KIF26B: variants seen among roughly 807,000 people sequenced by gnomAD.
The protein encoded by KIF26B is kinesin family member 26B.
In KIF26B, 63 loss-of-function variants were observed where a neutral mutation model predicts 151.2. The ratio of observed to expected loss-of-function variants is 0.42; its 90% CI spans 0.34 to 0.51. The LOEUF (loss-of-function observed/expected upper bound fraction) is 0.51. Ranked by LOEUF, KIF26B falls within the 20% of genes least tolerant of loss-of-function variation. The pLI is 0.07. For synonymous variants in KIF26B, 1,357 were observed against 1,262.1 expected, an observed-to-expected ratio of 1.08 and a Z score of -1.59; for missense variants, 2,813 against 2,913.6, an observed-to-expected ratio of 0.97 and a Z score of 0.79.
chr1:245,441,028 C>T (rs764259206), intron 4 of KIF26B, among the ~76,000 whole-genome samples: 1 of 152,206 alleles, frequency 6.6e-6, no homozygotes, highest in Non-Finnish European at 1.5e-5. Context: ...AAATCCAGAT[C>T]GGTGCAGTTG....
At chr1:245,546,268 G>T in intron 5 of KIF26B, among the ~76,000 whole-genome samples, 1 of 152,084 alleles carries the variant, frequency 6.6e-6, no homozygotes, top group East Asian at 1.9e-4. Context: ...CCAGGCTGGA[G>T]TGCAATGGCA....
In KIF26B at chr1:245,543,488, G is replaced by A. The variant is rs557938319; in HGVS notation, c.1350+2538G>A. ...CACCCATGAGACTGTGTCGAGGAGC[G>A]GGGCATCGGTCTGGGGTCACAGAAC... On this transcript the variant is annotated intron_variant, in intron 5 of 14. Coordinates refer to ENST00000407071, the MANE Select transcript of KIF26B (RefSeq NM_018012.4). 8.0e-5 allele frequency among the ~76,000 whole-genome samples: 4 copies of A among 49,714 alleles called. No homozygotes were observed. In the East Asian group the frequency reaches 2.2e-3, roughly 27 times the overall value. The allele number at this position is 49,714 out of a possible 152,430, so 32.6% of individuals were successfully genotyped here. A position where few individuals can be genotyped will look rare whatever the true frequency, so the allele number is the denominator to read the frequency against.
intron 3 of KIF26B, chr1:245,370,802 C>T (rs1673099116): frequency 8.3e-6 from 3 of 360,044 alleles, no homozygotes; most frequent in Non-Finnish European, 5.5e-6. Flanking sequence ...TTCTGTTCTT[C>T]CTCTTACTTC....
In KIF26B at chr1:245,512,666, C is replaced by T. The variant is rs905584862; in HGVS notation, c.1167-28101C>T. On this transcript the variant is annotated intron_variant, in intron 4 of 14. Transcript: ENST00000407071. This position sits in a 1 kb window ranked among gnomAD's most constrained non-coding sequence, Gnocchi z 4.3. Reference sequence around the variant, plus strand: ...AGGGCCACGCCTTCTAAAATATGTCCTTTGTTATCAAGGGAAATCTGAGAC... The same window carrying T: ...AGGGCCACGCCTTCTAAAATATGTCTTTTGTTATCAAGGGAAATCTGAGAC... 1.3e-5 allele frequency among the ~76,000 whole-genome samples: 2 copies of T among 152,174 alleles called. No individual in the cohort carries two copies. Among genetic ancestry groups the T allele is most frequent in the African/African-American group, 4.8e-5 (2 of 41,452 alleles).
chr1:245,305,420 A>G (rs1671517531), intron 2 of KIF26B, among the ~76,000 whole-genome samples: 1 of 152,228 alleles, frequency 6.6e-6, no homozygotes, highest in Non-Finnish European at 1.5e-5. Flanking sequence ...TCAATTATAA[A>G]AATGAGTAAA....
rs1163096413 is a variant in KIF26B, at chr1:245,686,363, C to A, written c.3380C>A (p.Pro1127His). 1 of 1,613,244 alleles carries A rather than the reference C, an allele frequency of 6.2e-7. No individual in the cohort carries two copies. The highest frequency in any genetic ancestry group is 8.5e-7 in the Non-Finnish European group (1 of 1,179,892). Reference protein sequence around the residue: ...ESLLQPEVRTPPVGMSPQVLK... With the variant: ...ESLLQPEVRTHPVGMSPQVLK... The stretch of plus-strand genomic sequence containing the variant: ...TTGCTGCAGCCCGAGGTGCGTACGC[C>A]CCCGGTTGGAATGAGCCCCCAGGTT... Residue 1127 changes from proline to histidine, a missense_variant, in exon 12 of 15, where the codon CCC becomes CAC. This residue lies in a region of KIF26B where 2,060 missense variants were observed against 2,088.6 expected (regional missense o/e 0.99). Coordinates refer to ENST00000407071, the MANE Select transcript of KIF26B (RefSeq NM_018012.4). This position sits in a 1 kb window ranked among gnomAD's most constrained non-coding sequence, Gnocchi z 5.6.
intron 4 of KIF26B, among the ~76,000 whole-genome samples, chr1:245,446,137 G>A (rs1659245095): frequency 6.6e-6 from 1 of 152,162 alleles, no homozygotes; most frequent in Non-Finnish European, 1.5e-5. Flanking sequence ...ATATGATGTA[G>A]CGTATTCATT....
At chr1:245,156,761 C>A in intron 2 of KIF26B, 78 bp downstream of exon 2, 1 of 935,550 alleles carries the variant, frequency 1.1e-6, no homozygotes, top group East Asian at 3.4e-5. Context: ...CTGCTCAGCC[C>A]GCCGCGACCT....
chr1:245,389,958 G>A (rs1673645332), intron 3 of KIF26B, among the ~76,000 whole-genome samples: 1 of 152,130 alleles, frequency 6.6e-6, no homozygotes, highest in African/African-American at 2.4e-5. Flanking sequence ...CAGACCATCT[G>A]AGTCCCTAAG....
chr1:245,702,823 A>G lies in KIF26B; in HGVS notation c.*217A>G, dbSNP rs2147972573. The G allele has an allele frequency of 4.0e-6, 2 of 504,650 alleles. No individual in the cohort carries two copies. Among genetic ancestry groups the G allele is most frequent in the East Asian group, 6.0e-5 (2 of 33,504 alleles). The allele number at this position is 504,650 out of a possible 1,614,324, so 31.3% of individuals were successfully genotyped here. On this transcript the variant is annotated 3_prime_UTR_variant, in exon 15 of 15. Transcript: ENST00000407071. The surrounding 1 kb of genome is among the most constrained non-coding windows in gnomAD (Gnocchi z 4.1). ...ACCGTGGAAGGAGAAAAGGATGGGA[A>G]GCCCGAGGGGTGTCCAAGCCCTGTG...
At chr1:245,293,017 T>A (rs1404369803) in intron 2 of KIF26B, among the ~76,000 whole-genome samples, 1 of 152,210 alleles carries the variant, frequency 6.6e-6, no homozygotes, top group East Asian at 1.9e-4. Context: ...CAGAATGAAG[T>A]CATTATCTTT....
intron 12 of KIF26B, 109 bp downstream of exon 12, chr1:245,688,916 G>A: frequency 7.4e-7 from 1 of 1,357,332 alleles, no homozygotes; most frequent in Non-Finnish European, 9.7e-7. Flanking sequence ...GTCCAGGCCT[G>A]GCCTCTCCTT....
intron 5 of KIF26B, among the ~76,000 whole-genome samples, chr1:245,557,169 A>G (rs1662059314): frequency 6.6e-6 from 1 of 152,216 alleles, no homozygotes; most frequent in Non-Finnish European, 1.5e-5. Flanking sequence ...TTTTAAAAAT[A>G]TTGTAGAATT....
intron 4 of KIF26B, among the ~76,000 whole-genome samples, chr1:245,499,245 ATGTG>A (rs112357836): frequency 6.6e-5 from 10 of 151,256 alleles, no homozygotes; most frequent in African/African-American, 2.4e-4. Flanking sequence ...AATAATAGTG[ATGTG>A]TGTGTGTGTG....
In KIF26B at chr1:245,686,805, A is replaced by G. The variant is rs964533525; in HGVS notation, c.3822A>G (p.Arg1274=). The G allele has an allele frequency of 6.2e-7, 1 of 1,613,396 alleles. No individual in the cohort carries two copies. Among genetic ancestry groups the G allele is most frequent in the African/African-American group, 1.3e-5 (1 of 74,916 alleles). The stretch of plus-strand genomic sequence containing the variant: ...AGAAGGCCCAGGACGCAGGGAGCAG[A>G]CGCTCTTCCATCAGCTCCTGGCTGA... The part of the protein sequence containing the change: ...LDEKAQDAGS[R]RSSISSWLSE... The change falls in exon 12 of 15, where the codon AGA becomes AGG. Residue 1274 remains arginine (R), a synonymous_variant. Transcript: ENST00000407071. The surrounding 1 kb of genome is among the most constrained non-coding windows in gnomAD (Gnocchi z 5.6).
chr1:245,424,925 T>C (rs1773778), intron 4 of KIF26B, among the ~76,000 whole-genome samples: 18,884 of 152,018 alleles, frequency 0.12, 1,487 homozygotes, highest in African/African-American at 0.22. Flanking sequence ...TTTCAGTACC[T>C]TCCCTTTTTT....
At chr1:245,336,681 C>T (rs954825826) in intron 2 of KIF26B, among the ~76,000 whole-genome samples, 3 of 152,214 alleles carry the variant, frequency 2.0e-5, no homozygotes, top group Non-Finnish European at 4.4e-5. Context: ...TTTTCCTATA[C>T]ATACCTTCCG....
chr1:245,562,710 C>T (rs1368591881), intron 5 of KIF26B, among the ~76,000 whole-genome samples: 1 of 151,808 alleles, frequency 6.6e-6, no homozygotes, highest in Admixed American at 6.6e-5. Flanking sequence ...AAATCATTGC[C>T]CTTTTTTTAT....
chr1:245,531,339 A>G (rs867057234), intron 4 of KIF26B, among the ~76,000 whole-genome samples: 1 of 152,214 alleles, frequency 6.6e-6, no homozygotes, highest in Non-Finnish European at 1.5e-5. Flanking sequence ...AGAGGATGGA[A>G]ACACGAATGC....
Sources: gnomAD v4.1 joint callset for allele counts (sites outside exome capture counted in the v4.1 genomes callset) on GRCh38, gnomAD v4.1.1 for gene constraint, gnomAD v4.1.1 regional missense constraint, Gnocchi (gnomAD v3.1) non-coding constraint, MANE v1.5 for transcripts, NCBI Gene and HGNC (gene_info 2026-07-23, HGNC 2026-07-21) for gene names.